EP400: variants seen among roughly 807,000 people sequenced by gnomAD.
EP400 encodes the protein E1A binding protein p400.
EP400 carries 105 observed loss-of-function variants against 354.1 expected under a neutral mutation model. That is an observed-to-expected ratio of 0.30 (90% CI 0.25 to 0.35). The LOEUF is 0.35. Among genes scored for constraint, EP400 ranks in the 10% least tolerant of loss-of-function variants. The pLI, the probability that EP400 is intolerant of heterozygous loss-of-function variation, is 1.00. For synonymous variants in EP400, 1,646 were observed against 1,716.9 expected, an observed-to-expected ratio of 0.96 and a Z score of 1.02; for missense variants, 3,280 against 4,121.0, an observed-to-expected ratio of 0.80 and a Z score of 5.59.
At chr12:132,051,931 C>A (rs1001659800) in intron 41 of EP400, among the ~76,000 whole-genome samples, 22 of 152,288 alleles carry the variant, frequency 1.4e-4, no homozygotes, top group African/African-American at 4.8e-4. Context: ...CTGGCGTTAC[C>A]GCTAGACCCA....
intron 39 of EP400, among the ~76,000 whole-genome samples, chr12:132,049,601 C>T (rs952649159): frequency 1.3e-5 from 2 of 152,170 alleles, no homozygotes; most frequent in African/African-American, 2.4e-5. Context: ...CTCTCTTTGA[C>T]CAGGGTTTAG....
Position 131,979,806 on chromosome 12 carries a change from G to A in EP400, c.1435+13G>A, listed in dbSNP as rs542865638. 27 of 1,586,874 alleles carry A rather than the reference G, an allele frequency of 1.7e-5. No individual in the cohort carries two copies. The Admixed American group carries it at 2.2e-4, about 13-fold the overall frequency. ...ACAGGTATGGCAGGTACGTCGGCAC[G>A]GCTAGCGTGGCCTCGGGAATGCCCC... On this transcript the variant is annotated intron_variant, in intron 3 of 52. Transcript: ENST00000389561.
In EP400 at chr12:132,032,117, G is replaced by T; in HGVS notation, c.5919G>T (p.Arg1973Ser). The change falls in exon 30 of 53, where the codon AGG becomes AGT. Residue 1973 changes from arginine to serine, a missense_variant. Transcript: ENST00000389561. ...MDAKAQEWCD[R>S]IGRCKDIHIY... ...CCAAAGCTCAGGAGTGGTGCGATAG[G>T]ATCGGGAGATGCAAAGACATCCACA... 3 of 1,614,070 alleles carry T rather than the reference G, an allele frequency of 1.9e-6. No homozygotes were observed. Among genetic ancestry groups the T allele is most frequent in the Non-Finnish European group, 2.5e-6 (3 of 1,179,954 alleles).
intron 43 of EP400, among the ~76,000 whole-genome samples, chr12:132,053,835 T>C (rs1230394759): frequency 6.6e-6 from 1 of 152,184 alleles, no homozygotes; most frequent in African/African-American, 2.4e-5. Flanking sequence ...AGTGGCTTTA[T>C]TGGATTTGGC....
chr12:131,994,949 C>A lies in EP400; in HGVS notation c.2820C>A (p.Ala940=), dbSNP rs987572733. 1 of 1,613,660 alleles carries A rather than the reference C, an allele frequency of 6.2e-7. No homozygotes were observed. Among genetic ancestry groups the A allele is most frequent in the Non-Finnish European group, 8.5e-7 (1 of 1,179,838 alleles). ...VDHQTELSNL[A]KEAELPLLDL... ...ACCAAACAGAACTTTCTAATTTAGCCAAGGAAGGTAGGCTGTTGCTACCTT... is the reference window on the plus strand; with the variant it reads ...ACCAAACAGAACTTTCTAATTTAGCAAAGGAAGGTAGGCTGTTGCTACCTT... Residue 940 remains alanine, a synonymous_variant, in exon 12 of 53, where the codon GCC becomes GCA. Coordinates refer to ENST00000389561, the MANE Select transcript of EP400 (RefSeq NM_015409.5). The surrounding 1 kb of genome is among the most constrained non-coding windows in gnomAD (Gnocchi z 4.6).
In EP400 at chr12:132,029,740, G is replaced by A. The variant is rs201478303; in HGVS notation, c.5421G>A (p.Pro1807=). Residue 1807 remains proline (P), a synonymous_variant, in exon 28 of 53, where the codon CCG becomes CCA. Transcript: ENST00000389561. This position sits in a 1 kb window ranked among gnomAD's most constrained non-coding sequence, Gnocchi z 4.7. ...FVIPPVVAAP[P]SLRVPRPPPL... is the part of the protein sequence containing the mutation. Reference sequence around the variant, plus strand: ...TTCCTCCGGTGGTGGCAGCACCCCCGTCCCTACGGGTGCCGCGGCCGCCAC... The same window carrying A: ...TTCCTCCGGTGGTGGCAGCACCCCCATCCCTACGGGTGCCGCGGCCGCCAC... The A allele has an allele frequency of 5.6e-6, 9 of 1,613,220 alleles. No homozygotes were observed. Among genetic ancestry groups the A allele is most frequent in the East Asian group, 2.2e-5 (1 of 44,878 alleles).
Position 132,067,492 on chromosome 12 carries a change from G to C in EP400, c.8874+6G>C. ...CGGCAGCCGTCCAGCAGAAGGTACC[G>C]GGGCTAGGGGATTCTCACTTCTGGG... is the stretch of plus-strand genomic sequence containing the variant. On this transcript the variant is annotated splice_donor_region_variant and intron_variant, in intron 50 of 52. Coordinates refer to ENST00000389561, the MANE Select transcript of EP400 (RefSeq NM_015409.5). The surrounding 1 kb of genome is among the most constrained non-coding windows in gnomAD (Gnocchi z 5.3). 2 of 1,611,108 alleles carry C rather than the reference G, an allele frequency of 1.2e-6. No homozygotes were observed. The highest frequency in any genetic ancestry group is 1.1e-5 in the South Asian group (1 of 90,990).
chr12:131,971,692 A>C (rs1352373779), intron 2 of EP400, among the ~76,000 whole-genome samples: 3 of 151,946 alleles, frequency 2.0e-5, no homozygotes, highest in Non-Finnish European at 2.9e-5. Context: ...GTATGGGTAA[A>C]ATTTTTTTTT....
In EP400 at chr12:132,013,511, C is replaced by T. The variant is rs1390922858; in HGVS notation, c.3633C>T (p.Ile1211=). The T allele has an allele frequency of 6.3e-6, 10 of 1,577,210 alleles. No homozygotes were observed. Among genetic ancestry groups the T allele is most frequent in the South Asian group, 4.7e-5 (4 of 85,956 alleles). The change falls in exon 18 of 53, where the codon ATC becomes ATT. Residue 1211 remains isoleucine, a synonymous_variant. Coordinates refer to ENST00000389561, the MANE Select transcript of EP400 (RefSeq NM_015409.5). This position sits in a 1 kb window ranked among gnomAD's most constrained non-coding sequence, Gnocchi z 4.5. The part of the protein sequence containing the change: ...TLQSQQRLLL[I]DSPLHNTFLE... Reference sequence around the variant, plus strand: ...GCAGCCAACAACGTCTGCTTCTGATCGACTCGCCGCTGCACAATACCTTCC... The same window carrying T: ...GCAGCCAACAACGTCTGCTTCTGATTGACTCGCCGCTGCACAATACCTTCC...
At chr12:132,010,916 T>C (rs1201484105) in intron 15 of EP400, among the ~76,000 whole-genome samples, 2 of 152,210 alleles carry the variant, frequency 1.3e-5, no homozygotes, top group Non-Finnish European at 2.9e-5. Context: ...GACTCCAGCC[T>C]GGGTGACAAG....
chr12:132,043,683 A>G lies in EP400; in HGVS notation c.6405A>G (p.Glu2135=), dbSNP rs866257049. Residue 2135 remains glutamate, a synonymous_variant, in exon 34 of 53, where the codon GAA becomes GAG. Coordinates refer to ENST00000389561, the MANE Select transcript of EP400 (RefSeq NM_015409.5). ...PIEKYALNYL[E]LFHTSIEQEK... is the part of the protein sequence containing the mutation. Reference sequence around the variant, plus strand: ...AAAAATATGCTTTAAATTACCTGGAATTATTCCATACTTCTATTGAGCAAG... The same window carrying G: ...AAAAATATGCTTTAAATTACCTGGAGTTATTCCATACTTCTATTGAGCAAG... The G allele has an allele frequency of 6.2e-7, 1 of 1,611,922 alleles. No individual in the cohort carries two copies.
Position 131,982,163 on chromosome 12 carries a change from C to T in EP400, c.1614C>T (p.Pro538=), listed in dbSNP as rs200062312. 2 of 1,606,452 alleles carry T rather than the reference C, an allele frequency of 1.2e-6. No individual in the cohort carries two copies. Among genetic ancestry groups the T allele is most frequent in the African/African-American group, 2.7e-5 (2 of 74,820 alleles). Residue 538 remains proline (P), a synonymous_variant, in exon 5 of 53, where the codon CCC becomes CCT. Transcript: ENST00000389561. ...GQRQSQQQYD[P]STGPPVQNAA... ...GGCAGAGTCAGCAGCAGTATGACCC[C>T]TCCACGGGGCCTCCCGTGCAGAACG... is the stretch of plus-strand genomic sequence containing the variant.
chr12:131,972,316 C>T (rs1047841265), intron 2 of EP400, among the ~76,000 whole-genome samples: 4 of 151,902 alleles, frequency 2.6e-5, no homozygotes, highest in African/African-American at 9.7e-5. Context: ...CCACGCCCGG[C>T]GAATTTTTTG....
At chr12:132,034,161 G>A (rs1292829650) in intron 30 of EP400, among the ~76,000 whole-genome samples, 1 of 152,192 alleles carries the variant, frequency 6.6e-6, no homozygotes, top group Non-Finnish European at 1.5e-5. Context: ...ATGGATAAGG[G>A]CTTAGTGTGG....
intron 44 of EP400, 31 bp from the exon 45 acceptor site, chr12:132,055,068 G>A (rs768045455): frequency 8.8e-5 from 142 of 1,613,696 alleles, no homozygotes; most frequent in Non-Finnish European, 1.0e-4. Context: ...TTCTCCTGGC[G>A]CTGTTGCCTT....
intron 2 of EP400, among the ~76,000 whole-genome samples, chr12:131,971,697 T>A (rs1008041471): frequency 9.2e-5 from 14 of 152,116 alleles, no homozygotes; most frequent in African/African-American, 2.4e-4. Context: ...GGTAAAATTT[T>A]TTTTTTTTTT....
rs769423990 is a variant in EP400, at chr12:131,961,538, G to A, written c.919G>A (p.Gly307Ser). The change falls in exon 2 of 53, where the codon GGC (glycine) becomes AGC (serine). Residue 307 changes from glycine (G) to serine (S), a missense_variant. This residue lies in a region of EP400 where 85 missense variants were observed against 180.3 expected (regional missense o/e 0.47). Transcript: ENST00000389561. ...CGGCGTGCTGCTCCCCGGGGCTGGG[G>A]GCGCAGCGGGGTTTGGGATGACGTC... ...TPGVLLPGAGGAAGFGMTSPP... is the reference protein window; with the variant it reads ...TPGVLLPGAGSAAGFGMTSPP... 2.2e-4 allele frequency: 339 copies of A among 1,565,132 alleles called. 2 individuals carry two copies. The highest frequency in any genetic ancestry group is 2.2e-4 in the Middle Eastern group (1 of 4,544).
At chr12:132,028,733 C>T (rs1298060591) in intron 27 of EP400, among the ~76,000 whole-genome samples, 4 of 152,156 alleles carry the variant, frequency 2.6e-5, no homozygotes, top group Non-Finnish European at 4.4e-5. Flanking sequence ...GGTGGGCACC[C>T]GGCCGCTCTC....
At chr12:131,975,451 T>C (rs1223005082) in intron 2 of EP400, among the ~76,000 whole-genome samples, 1 of 152,252 alleles carries the variant, frequency 6.6e-6, no homozygotes, top group Non-Finnish European at 1.5e-5. Flanking sequence ...AGCGCTGCAC[T>C]GCACTGTCCT....
Sources: allele counts gnomAD v4.1 joint callset (sites outside exome capture counted in the v4.1 genomes callset), GRCh38; gene constraint gnomAD v4.1.1; regional missense constraint gnomAD v4.1.1; non-coding constraint Gnocchi (gnomAD v3.1); transcripts MANE v1.5; gene names NCBI Gene and HGNC (gene_info 2026-07-23, HGNC 2026-07-21).